The following OSGEPL1 variants were observed in gnomAD, a reference collection of about 807,000 sequenced individuals.
The protein encoded by OSGEPL1 is O-sialoglycoprotein endopeptidase like 1.
In OSGEPL1, 26 loss-of-function variants were observed where a neutral mutation model predicts 37.2. That is an observed-to-expected ratio of 0.70 (90% CI 0.51 to 0.97). OSGEPL1 has a LOEUF of 0.97. OSGEPL1 is among the 50% of genes least tolerant of loss of function. The pLI, the probability that OSGEPL1 is intolerant of heterozygous loss-of-function variation, is 0.00. For synonymous variants in OSGEPL1, 140 were observed against 159.9 expected, an observed-to-expected ratio of 0.88 and a Z score of 0.94; for missense variants, 404 against 487.0, an observed-to-expected ratio of 0.83 and a Z score of 1.60.
At chr2:189,760,936 T>A (rs997835531) in intron 2 of OSGEPL1, among the ~76,000 whole-genome samples, 73 of 152,344 alleles carry the variant, frequency 4.8e-4, no homozygotes, top group African/African-American at 1.7e-3. Context: ...TTTTATCTTG[T>A]CCATTTATTT....
intron 2 of OSGEPL1, 133 bp downstream of exon 2, chr2:189,761,287 A>G (rs2047031788): frequency 1.1e-6 from 1 of 896,762 alleles, no homozygotes; most frequent in Non-Finnish European, 1.6e-6. Context: ...GAGGTTTTCT[A>G]TAGCAGTTAT....
intron 7 of OSGEPL1, among the ~76,000 whole-genome samples, chr2:189,751,629 G>A (rs1316845770): frequency 2.0e-5 from 3 of 151,072 alleles, no homozygotes; most frequent in African/African-American, 7.3e-5. Flanking sequence ...ATTTTCAGTA[G>A]AGACGGGGTT....
Position 189,755,508 on chromosome 2 carries a change from G to C in OSGEPL1, c.274C>G (p.Gln92Glu). Residue 92 changes from glutamine to glutamate, a missense_variant, in exon 3 of 9, where the codon CAA (glutamine) becomes GAA (glutamate). Coordinates refer to ENST00000264151, the MANE Select transcript of OSGEPL1 (RefSeq NM_022353.3). ...AAQQLHRENI[Q>E]RIVQEALSAS... ...GAAAGAGCTTCTTGTACTATTCGTT[G>C]AATATTTTCTCTGTGAAGCTGTTGA... The C allele has an allele frequency of 6.2e-7, 1 of 1,601,320 alleles. No individual in the cohort carries two copies. Among genetic ancestry groups the C allele is most frequent in the South Asian group, 1.1e-5 (1 of 87,882 alleles).
rs2045935357 is a variant in OSGEPL1, at chr2:189,755,353, A to T, written c.429T>A (p.Ile143=). 1.9e-6 allele frequency: 3 copies of T among 1,613,610 alleles called. No homozygotes were observed. The highest frequency in any genetic ancestry group is 2.5e-6 in the Non-Finnish European group (3 of 1,179,726). Residue 143 remains isoleucine, a synonymous_variant, in exon 3 of 9, where the codon ATT becomes ATA. Coordinates refer to ENST00000264151, the MANE Select transcript of OSGEPL1 (RefSeq NM_022353.3). ...QLVGQLKKPF[I]PIHHMEAHAL... ...CATGAGCCTCCATATGATGAATGGG[A>T]ATGAATGGCTTTTTTAACTGTCCTA...
At chr2:189,762,662 G>C in intron 1 of OSGEPL1, 23 bp downstream of exon 1, 2 of 985,468 alleles carry the variant, frequency 2.0e-6, no homozygotes, top group Non-Finnish European at 2.4e-6. Context: ...TCAGTGGGGT[G>C]AAGAGTGAGC....
intron 3 of OSGEPL1, chr2:189,754,655 T>A (rs2045808294): frequency 6.6e-6 from 2 of 304,328 alleles, no homozygotes; most frequent in Non-Finnish European, 1.2e-5. Flanking sequence ...ACTTGTCCTA[T>A]ACTTCCTATT....
chr2:189,761,279 GGTTTTCTATA>G, intron 2 of OSGEPL1, 131 bp downstream of exon 2: 1 of 796,840 alleles, frequency 1.3e-6, no homozygotes, highest in Non-Finnish European at 1.9e-6. Context: ...AAGTGTTTGA[GGTTTTCTATA>G]GCAGTTATTA....
In OSGEPL1 at chr2:189,752,915, G is replaced by C; in HGVS notation, c.1028C>G (p.Ala343Gly). 1.2e-6 allele frequency: 2 copies of C among 1,613,654 alleles called. No homozygotes were observed. The highest frequency in any genetic ancestry group is 1.7e-6 in the Non-Finnish European group (2 of 1,179,658). The change falls in exon 6 of 9, where the codon GCA becomes GGA. Residue 343 changes from alanine (A) to glycine (G), a missense_variant. Transcript: ENST00000264151. ...AGGACACAACAAAGTGCACTGTGTT[G>C]CATTTGTTAAAATTTCCAGAGCTCT... ...IRRALEILTN[A>G]TQCTLLCPPP...
intron 1 of OSGEPL1, 111 bp downstream of exon 1, chr2:189,762,574 G>C: frequency 1.0e-6 from 1 of 984,774 alleles, no homozygotes. Flanking sequence ...CACGTGACTT[G>C]GGTAGCGCTG....
intron 7 of OSGEPL1, among the ~76,000 whole-genome samples, chr2:189,751,645 A>G (rs189568558): frequency 0.011 from 1,713 of 151,212 alleles, 18 homozygotes; most frequent in Non-Finnish European, 0.019. Flanking sequence ...GGGTTTCACC[A>G]TGTTGGCCAG....
At chr2:189,755,003 A>G in intron 3 of OSGEPL1, 170 bp downstream of exon 3, 1 of 722,152 alleles carries the variant, frequency 1.4e-6, no homozygotes, top group South Asian at 2.2e-5. Context: ...GCTAAGAATT[A>G]TAAAATTGTG....
intron 8 of OSGEPL1, among the ~76,000 whole-genome samples, chr2:189,749,499 GA>G (rs1475048034): frequency 6.6e-6 from 1 of 151,540 alleles, no homozygotes; most frequent in Non-Finnish European, 1.5e-5. Flanking sequence ...AATCAAGGCA[GA>G]AAAACAGTGA....
chr2:189,756,091 C>T (rs942115372), intron 2 of OSGEPL1, among the ~76,000 whole-genome samples: 16 of 151,984 alleles, frequency 1.1e-4, no homozygotes, highest in African/African-American at 3.4e-4. Flanking sequence ...CTGGAATGAC[C>T]GGGAGAAAAG....
At chr2:189,753,050 G>GA (rs1456336479) in intron 5 of OSGEPL1, 71 bp from the exon 6 acceptor site, 4 of 1,368,048 alleles carry the variant, frequency 2.9e-6, no homozygotes, top group Non-Finnish European at 3.9e-6. Flanking sequence ...TAAACCTGGA[G>GA]AAAAATATCA....
At chr2:189,761,351 T>C in intron 2 of OSGEPL1, 69 bp downstream of exon 2, 2 of 1,511,290 alleles carry the variant, frequency 1.3e-6, no homozygotes, top group Non-Finnish European at 1.8e-6. Flanking sequence ...CTTTTATATA[T>C]GACAAATACA....
chr2:189,756,933 C>A (rs1206714380), intron 2 of OSGEPL1, among the ~76,000 whole-genome samples: 1 of 152,194 alleles, frequency 6.6e-6, no homozygotes, highest in African/African-American at 2.4e-5. Context: ...TCTCTCCCTG[C>A]AACTCATTTC....
intron 7 of OSGEPL1, among the ~76,000 whole-genome samples, chr2:189,750,880 A>C (rs1263560349): frequency 6.6e-6 from 1 of 152,220 alleles, no homozygotes; most frequent in African/African-American, 2.4e-5. Flanking sequence ...TTTTTGAAAG[A>C]AACAGTTTTG....
At chr2:189,762,904 G>A (rs980877293), upstream of OSGEPL1, 34 of 985,404 alleles carry the variant, frequency 3.5e-5, no homozygotes, top group Non-Finnish European at 4.1e-5. Flanking sequence ...CGCTCTCTGT[G>A]CGCACCTGCA....
At chr2:189,750,936 T>A (rs1379381878) in intron 7 of OSGEPL1, among the ~76,000 whole-genome samples, 1 of 152,152 alleles carries the variant, frequency 6.6e-6, no homozygotes, top group Non-Finnish European at 1.5e-5. Context: ...AAATGAAATA[T>A]AAAAATAATG....
Sources: gnomAD v4.1 joint callset for allele counts (sites outside exome capture counted in the v4.1 genomes callset) on GRCh38, gnomAD v4.1.1 for gene constraint, MANE v1.5 for transcripts, NCBI Gene and HGNC (gene_info 2026-07-23, HGNC 2026-07-21) for gene names.